PLAU: variants seen among roughly 807,000 people sequenced by gnomAD.
PLAU encodes urokinase-type plasminogen activator.
A neutral mutation model predicts 48.9 loss-of-function variants in PLAU; 32 were observed. The ratio of observed to expected loss-of-function variants is 0.65; its 90% CI spans 0.49 to 0.88. The LOEUF (loss-of-function observed/expected upper bound fraction) is 0.88, where lower values mean the gene tolerates loss of function less well. PLAU is among the 40% of genes least tolerant of loss of function. The pLI, the probability that PLAU is intolerant of heterozygous loss-of-function variation, is 0.00. For missense variants in PLAU, 455 were observed against 545.2 expected (o/e 0.83, Z 1.65); for synonymous variants, 199 against 205.7 (o/e 0.97, Z 0.28).
At chr10:73,909,702 T>G (rs768407786), upstream of PLAU, among the ~76,000 whole-genome samples, 3 of 152,198 alleles carry the variant, frequency 2.0e-5, no homozygotes, top group Admixed American at 1.3e-4. Flanking sequence ...GCTGCAGGCC[T>G]AGGCTGGGAA....
chr10:73,915,522 C>T (rs2136191426), intron 10 of PLAU, 123 bp downstream of exon 10: 2 of 938,798 alleles, frequency 2.1e-6, no homozygotes, highest in East Asian at 5.1e-5. Context: ...ATCAGGAGCT[C>T]AGGTCTTTGA....
In PLAU at chr10:73,916,426, G is replaced by C; in HGVS notation, c.1157G>C (p.Gly386Ala). 2.5e-6 allele frequency: 4 copies of C among 1,613,682 alleles called. No individual in the cohort carries two copies. The highest frequency in any genetic ancestry group is 3.4e-6 in the Non-Finnish European group (4 of 1,179,840). ...SGGPLVCSLQ[G>A]RMTLTGIVSW... ...GGACCCCTCGTCTGTTCCCTCCAAG[G>C]CCGCATGACTTTGACTGGAATTGTG... The change falls in exon 11 of 11, where the codon GGC (glycine) becomes GCC (alanine). Residue 386 changes from glycine (G) to alanine (A), a missense_variant. Coordinates refer to ENST00000372764, the MANE Select transcript of PLAU (RefSeq NM_002658.6).
chr10:73,912,162 CA>C, intron 3 of PLAU, 52 bp from the exon 4 acceptor site: 1 of 1,613,672 alleles, frequency 6.2e-7, no homozygotes, highest in East Asian at 2.2e-5. Context: ...AGGGCTGCGC[CA>C]CCCCTTACCA....
In PLAU at chr10:73,914,896, G is replaced by A. The variant is rs1472266874; in HGVS notation, c.950G>A (p.Gly317Asp). The A allele has an allele frequency of 2.5e-6, 4 of 1,614,182 alleles. No homozygotes were observed. Among genetic ancestry groups the A allele is most frequent in the Non-Finnish European group, 3.4e-6 (4 of 1,180,016 alleles). Residue 317 changes from glycine (G) to aspartate (D), a missense_variant, in exon 9 of 11, where the codon GGC becomes GAC. Physicochemically the swap from Gly to Asp is moderately conservative, Grantham distance 94. Transcript: ENST00000372764. ...PQFGTSCEIT[G>D]FGKENSTDYL... ...TTTGGCACAAGCTGTGAGATCACTG[G>A]CTTTGGAAAAGAGAATTCTAGTAAG... is the stretch of plus-strand genomic sequence containing the variant.
At position 73,913,093 on chromosome 10, in the gene PLAU, C is replaced by G; in HGVS notation, c.363C>G (p.Tyr121Ter). The G allele has an allele frequency of 6.2e-7, 1 of 1,613,248 alleles. No individual in the cohort carries two copies. The highest frequency in any genetic ancestry group is 8.5e-7 in the Non-Finnish European group (1 of 1,179,582). ...ALQLGLGKHNYCRNPDNRRRP... is the reference protein window; with the variant it reads ...ALQLGLGKHN ...AGCTGGGCCTGGGGAAACATAATTA[C>G]TGCAGGTGAGGTGGGGGCAACAAGG... Residue 121 changes from tyrosine to a stop codon, truncating the protein, a stop_gained, in exon 5 of 11, where the codon TAC (tyrosine) becomes TAG (stop). Transcript: ENST00000372764. LOFTEE classifies it high-confidence loss of function.
At chr10:73,913,256 T>G in intron 5 of PLAU, 34 bp from the exon 6 acceptor site, 1 of 1,609,174 alleles carries the variant, frequency 6.2e-7, no homozygotes, top group Non-Finnish European at 8.5e-7. Context: ...CCCTCTGGGT[T>G]GGAATGACAT....
Position 73,913,336 on chromosome 10 carries a change from C to T in PLAU, c.415C>T (p.Leu139=), listed in dbSNP as rs1378174389. 2 of 1,614,032 alleles carry T rather than the reference C, an allele frequency of 1.2e-6. No homozygotes were observed. ...RRPWCYVQVG[L]KLLVQECMVH... Reference sequence around the variant, plus strand: ...ACCCTGGTGCTATGTGCAGGTGGGCCTAAAGCTGCTTGTCCAAGAGTGCAT... The same window carrying T: ...ACCCTGGTGCTATGTGCAGGTGGGCTTAAAGCTGCTTGTCCAAGAGTGCAT... The change falls in exon 6 of 11, where the codon CTA becomes TTA. Residue 139 remains leucine (L), a synonymous_variant. Coordinates refer to ENST00000372764, the MANE Select transcript of PLAU (RefSeq NM_002658.6).
chr10:73,913,020 C>A lies in PLAU; in HGVS notation c.290C>A (p.Ala97Asp), dbSNP rs1466718974. 1.4e-5 allele frequency: 23 copies of A among 1,614,052 alleles called. No individual in the cohort carries two copies. Among genetic ancestry groups the A allele is most frequent in the Non-Finnish European group, 1.8e-5 (21 of 1,180,014 alleles). The change falls in exon 5 of 11, where the codon GCC (alanine) becomes GAC (aspartate). Residue 97 changes from alanine to aspartate, a missense_variant. Ala to Asp is a moderately radical substitution (Grantham distance 126). Coordinates refer to ENST00000372764, the MANE Select transcript of PLAU (RefSeq NM_002658.6). ...CGGCCCTGCCTGCCCTGGAACTCTG[C>A]CACTGTCCTTCAGCAAACGTACCAT... is the stretch of plus-strand genomic sequence containing the variant. ...MGRPCLPWNS[A>D]TVLQQTYHAH...
Position 73,916,711 on chromosome 10 carries a change from G to A in PLAU, c.*146G>A, listed in dbSNP as rs376226376. The A allele has an allele frequency of 6.9e-5, 46 of 667,974 alleles. 1 individual carries two copies. In the East Asian group the frequency reaches 1.1e-3, roughly 16 times the overall value. 41.4% of individuals were successfully genotyped at this position (667,974 alleles called of 1,614,324 possible). A position where few individuals can be genotyped will look rare whatever the true frequency, so the allele number is the denominator to read the frequency against. On this transcript the variant is annotated 3_prime_UTR_variant, in exon 11 of 11. Transcript: ENST00000372764. ...GCCTGTGCCACCCACCAGGGCGAACGACAATAGCTTTACCCTCAGGCATAG... is the reference window on the plus strand; with the variant it reads ...GCCTGTGCCACCCACCAGGGCGAACAACAATAGCTTTACCCTCAGGCATAG...
At chr10:73,913,939 T>A in intron 7 of PLAU, 41 bp from the exon 8 acceptor site, 4 of 1,597,098 alleles carry the variant, frequency 2.5e-6, no homozygotes, top group Non-Finnish European at 3.4e-6. Flanking sequence ...AGTGGCAGAT[T>A]TCATGGGACT....
intron 3 of PLAU, 68 bp downstream of exon 3, chr10:73,912,136 C>A: frequency 1.2e-6 from 2 of 1,611,058 alleles, no homozygotes; most frequent in Non-Finnish European, 1.7e-6. Flanking sequence ...GACATCCCCT[C>A]CCTGCCCTCT....
Position 73,916,528 on chromosome 10 carries a change from G to A in PLAU, c.1259G>A (p.Arg420His), listed in dbSNP as rs148650588. 68 of 1,613,646 alleles carry A rather than the reference G, an allele frequency of 4.2e-5. No homozygotes were observed. In the African/African-American group the frequency reaches 5.3e-4, roughly 13 times the overall value. The change falls in exon 11 of 11, where the codon CGC becomes CAC. Residue 420 changes from arginine (R) to histidine (H), a missense_variant. By Grantham distance (29) the Arg-to-His change is conservative. Transcript: ENST00000372764. The stretch of plus-strand genomic sequence containing the variant: ...GTCTCACACTTCTTACCCTGGATCC[G>A]CAGTCACACCAAGGAAGAGAATGGC... ...TRVSHFLPWI[R>H]SHTKEENGLA...
At position 73,916,936 on chromosome 10, in the gene PLAU, GAATAA is replaced by G. The variant is rs2096138307; in HGVS notation, c.*372_*376del. On this transcript the variant is annotated 3_prime_UTR_variant, in exon 11 of 11. Coordinates refer to ENST00000372764, the MANE Select transcript of PLAU (RefSeq NM_002658.6). ...TTTGTGAGGCCCATGGTTGAGAAAT[GAATAA>G]TTTCCCAATTAGGAAGTGTAACAGC... 5.2e-6 allele frequency: 1 copy of G among 194,096 alleles called. No homozygotes were observed. 12.0% of individuals were successfully genotyped at this position (194,096 alleles called of 1,614,324 possible).
chr10:73,917,266 G>A lies in PLAU; in HGVS notation c.*701G>A, dbSNP rs1053272876. On this transcript the variant is annotated 3_prime_UTR_variant, in exon 11 of 11. Transcript: ENST00000372764. The stretch of plus-strand genomic sequence containing the variant: ...TTGGGTCCCCCACGTGACAGTGCCT[G>A]GGAATGTATTATTCTGCAGCATGAC... The A allele has an allele frequency of 1.3e-5, 2 of 152,594 alleles. No homozygotes were observed. The highest frequency in any genetic ancestry group is 2.4e-5 in the African/African-American group (1 of 41,402). 9.5% of individuals were successfully genotyped at this position (152,594 alleles called of 1,614,324 possible). A position where few individuals can be genotyped will look rare whatever the true frequency, so the allele number is the denominator to read the frequency against.
intron 6 of PLAU, 68 bp from the exon 7 acceptor site, chr10:73,913,470 TG>T (rs929349148): frequency 3.0e-5 from 47 of 1,550,184 alleles, no homozygotes; most frequent in Non-Finnish European, 3.7e-5. Context: ...ACTGAGGAGG[TG>T]GGGGGTGCCC....
rs754958267 is a variant in PLAU at position 73,914,787 on chromosome 10, A to T, written c.841A>T (p.Ile281Phe). ...AHHNDIALLK[I>F]RSKEGRCAQP... ...CTGTCCTCCCCCAGCCTTGCTGAAG[A>T]TCCGTTCCAAGGAGGGCAGGTGTGC... Residue 281 changes from isoleucine to phenylalanine, a missense_variant, in exon 9 of 11, where the codon ATC becomes TTC. Physicochemically the swap from Ile to Phe is conservative, Grantham distance 21. Coordinates refer to ENST00000372764, the MANE Select transcript of PLAU (RefSeq NM_002658.6). 6.2e-7 allele frequency: 1 copy of T among 1,613,798 alleles called. No homozygotes were observed. Among genetic ancestry groups the T allele is most frequent in the South Asian group, 1.1e-5 (1 of 91,050 alleles).
rs543197904 is a variant in PLAU at position 73,912,429 on chromosome 10, T to A, written c.193+107T>A. 3.9e-4 allele frequency: 298 copies of A among 773,970 alleles called. 5 individuals carry two copies. The South Asian group carries it at 4.7e-3, about 12-fold the overall frequency. 47.9% of individuals were successfully genotyped at this position (773,970 alleles called of 1,614,324 possible). A position where few individuals can be genotyped will look rare whatever the true frequency, so the allele number is the denominator to read the frequency against. On this transcript the variant is annotated intron_variant, in intron 4 of 10. Coordinates refer to ENST00000372764, the MANE Select transcript of PLAU (RefSeq NM_002658.6). ...GGAGCTGGAGGTAGGGTGGGTGACA[T>A]CTTCATCCCTATGTGACAAGCATAA... is the stretch of plus-strand genomic sequence containing the variant.
upstream of PLAU, chr10:73,910,831 G>C (rs961492570): frequency 2.0e-5 from 3 of 152,342 alleles, no homozygotes; most frequent in East Asian, 1.9e-4. Context: ...GCGAGGTAGA[G>C]AGTCTCCTGT....
chr10:73,912,020 C>T (rs766284806), intron 2 of PLAU, 21 bp from the exon 3 acceptor site: 10 of 1,613,664 alleles, frequency 6.2e-6, no homozygotes, highest in African/African-American at 4.0e-5. Flanking sequence ...TTGATGAAGC[C>T]TCCTCCCGAA....
Sources: gnomAD v4.1 joint callset for allele counts (sites outside exome capture counted in the v4.1 genomes callset) on GRCh38, gnomAD v4.1.1 for gene constraint, MANE v1.5 for transcripts, NCBI Gene and HGNC (gene_info 2026-07-23, HGNC 2026-07-21) for gene names.